STK31: variants seen among roughly 807,000 people sequenced by gnomAD.
STK31 encodes serine/threonine-protein kinase 31.
In STK31, 89 loss-of-function variants were observed where a neutral mutation model predicts 129.7. That is an observed-to-expected ratio of 0.69 (90% CI 0.58 to 0.82). The LOEUF is 0.82. STK31 is among the 40% of genes least tolerant of loss of function. The probability of loss-of-function intolerance (pLI) is 0.00; values close to 1 mark genes in which losing one functional copy is unlikely to be tolerated. For missense variants in STK31, 1,187 were observed against 1,176.4 expected, an observed-to-expected ratio of 1.01 and a Z score of -0.13; for synonymous variants, 448 against 395.3, an observed-to-expected ratio of 1.13 and a Z score of -1.58.
intron 4 of STK31, chr7:23,721,862 C>G: frequency 2.1e-6 from 1 of 468,090 alleles, no homozygotes; most frequent in Non-Finnish European, 4.0e-6. Flanking sequence ...TCCACTTGAT[C>G]AAATCAGCTA....
intron 8 of STK31, among the ~76,000 whole-genome samples, chr7:23,749,384 C>T (rs1311737362): frequency 7.4e-6 from 1 of 134,888 alleles, no homozygotes; most frequent in East Asian, 2.2e-4. Context: ...GCCCTGTTGT[C>T]TAGTCTGGAA....
Position 23,762,858 on chromosome 7 carries a change from T to C in STK31, c.1351T>C (p.Ser451Pro). ...TGAAATGCAGCAGAAGCTGTACATG[T>C]CAGTAGAAGATTTTATTCTGGAAGT... ...RNEMQQKLYM[S>P]VEDFILEVDE... The change falls in exon 11 of 24, where the codon TCA becomes CCA. Residue 451 changes from serine (S) to proline (P), a missense_variant. By Grantham distance (74) the Ser-to-Pro change is moderately conservative. Around this residue, in one of 5 missense-constraint regions of STK31, gnomAD observed 975 missense variants for 934.9 expected, o/e 1.04. Coordinates refer to ENST00000355870, the MANE Select transcript of STK31 (RefSeq NM_031414.5). 1 of 1,609,430 alleles carries C rather than the reference T, an allele frequency of 6.2e-7. No homozygotes were observed. Among genetic ancestry groups the C allele is most frequent in the Admixed American group, 1.7e-5 (1 of 59,272 alleles).
intron 8 of STK31, among the ~76,000 whole-genome samples, chr7:23,750,233 A>G (rs959222588): frequency 6.6e-6 from 1 of 152,128 alleles, no homozygotes; most frequent in Admixed American, 6.5e-5. Context: ...AGTCGTGCCC[A>G]CACCTAGTTT....
intron 22 of STK31, among the ~76,000 whole-genome samples, chr7:23,796,031 G>A (rs1242473970): frequency 6.6e-6 from 1 of 152,190 alleles, no homozygotes; most frequent in Non-Finnish European, 1.5e-5. Context: ...TGTTGAGAAG[G>A]CATGATTGTT....
intron 4 of STK31, chr7:23,726,428 A>AC (rs1385777133): frequency 8.8e-5 from 5 of 56,662 alleles, no homozygotes; most frequent in African/African-American, 2.7e-4. Flanking sequence ...CCTTGCCTCT[A>AC]CAAAAAAAAA....
At chr7:23,815,045 CTT>C in intron 22 of STK31, 97 bp from the exon 23 acceptor site, 1 of 809,754 alleles carries the variant, frequency 1.2e-6, no homozygotes, top group Admixed American at 3.4e-5. Context: ...TAAGTAAGCT[CTT>C]TTCTAGTCAC....
At chr7:23,800,705 G>C (rs960312524) in intron 22 of STK31, among the ~76,000 whole-genome samples, 5 of 151,814 alleles carry the variant, frequency 3.3e-5, no homozygotes, top group African/African-American at 1.2e-4. Context: ...TATGTAGCAA[G>C]CCTGCACGTT....
chr7:23,813,200 C>G (rs1411110928), intron 22 of STK31, among the ~76,000 whole-genome samples: 2 of 151,470 alleles, frequency 1.3e-5, no homozygotes, highest in Non-Finnish European at 2.9e-5. Context: ...TTATCCCATC[C>G]AGTTTTAAGA....
chr7:23,774,074 T>C (rs1283108709), intron 15 of STK31, among the ~76,000 whole-genome samples: 1 of 152,180 alleles, frequency 6.6e-6, no homozygotes, highest in African/African-American at 2.4e-5. Context: ...GAATGATGGC[T>C]TCCAGTTGCA....
chr7:23,761,808 AT>A (rs1789482364), intron 10 of STK31, among the ~76,000 whole-genome samples: 1 of 150,276 alleles, frequency 6.7e-6, no homozygotes. Flanking sequence ...GCAAGAAAAA[AT>A]ATCCTAAAAT....
chr7:23,734,959 T>C (rs943030832), intron 6 of STK31, among the ~76,000 whole-genome samples: 8 of 152,188 alleles, frequency 5.3e-5, no homozygotes, highest in African/African-American at 1.9e-4. Context: ...AGTGAGATTC[T>C]GTCTCAAAAA....
intron 8 of STK31, among the ~76,000 whole-genome samples, chr7:23,746,440 A>C (rs536643690): frequency 5.1e-4 from 77 of 152,176 alleles, no homozygotes; most frequent in Non-Finnish European, 1.0e-3. Context: ...TCTCTGTTGA[A>C]GTCCCATTTC....
At chr7:23,715,705 A>G (rs1786275049) in intron 3 of STK31, among the ~76,000 whole-genome samples, 1 of 152,186 alleles carries the variant, frequency 6.6e-6, no homozygotes, top group Non-Finnish European at 1.5e-5. Flanking sequence ...TCTCAGGGTC[A>G]GTTTAAATTC....
In STK31 at chr7:23,771,094, A is replaced by C. The variant is rs200935774; in HGVS notation, c.1803A>C (p.Thr601=). 17 of 1,612,608 alleles carry C rather than the reference A, an allele frequency of 1.1e-5. No homozygotes were observed. In the East Asian group the frequency reaches 3.8e-4, roughly 36 times the overall value. ...ATTCAGAGGAAAGGCTCATTGCCAC[A>C]GTACAAGCTAAGTACAAGGACAGTA... ...KIHSEERLIA[T]VQAKYKDSIE... The change falls in exon 14 of 24, where the codon ACA becomes ACC. Residue 601 remains threonine, a synonymous_variant. Transcript: ENST00000355870.
At chr7:23,767,278 T>C (rs1789890021) in intron 11 of STK31, among the ~76,000 whole-genome samples, 1 of 152,202 alleles carries the variant, frequency 6.6e-6, no homozygotes, top group South Asian at 2.1e-4. Flanking sequence ...TTATCTCTCC[T>C]CAAGATCTCA....
chr7:23,728,403 TAA>T, intron 5 of STK31, among the ~76,000 whole-genome samples: 1 of 152,314 alleles, frequency 6.6e-6, no homozygotes, highest in East Asian at 1.9e-4. Flanking sequence ...TAGCTTGGTT[TAA>T]AAAAATTTCA....
rs200008918 is a variant in STK31, at chr7:23,735,689, G to A, written c.635G>A (p.Cys212Tyr). 1 of 1,614,076 alleles carries A rather than the reference G, an allele frequency of 6.2e-7. No homozygotes were observed. The highest frequency in any genetic ancestry group is 2.2e-5 in the East Asian group (1 of 44,878). The change falls in exon 7 of 24, where the codon TGC becomes TAC. Residue 212 changes from cysteine (C) to tyrosine (Y), a missense_variant. Cys to Tyr is a radical substitution (Grantham distance 194). Coordinates refer to ENST00000355870, the MANE Select transcript of STK31 (RefSeq NM_031414.5). ...EVLKKGFAEK[C>Y]RLASRTDICE... ...CTTAAGAAAGGATTTGCAGAGAAATGCAGACTTGCTTCCAGAACTGACATC... is the reference window on the plus strand; with the variant it reads ...CTTAAGAAAGGATTTGCAGAGAAATACAGACTTGCTTCCAGAACTGACATC...
intron 4 of STK31, among the ~76,000 whole-genome samples, chr7:23,723,523 T>C (rs901726277): frequency 9.2e-5 from 14 of 152,216 alleles, no homozygotes; most frequent in African/African-American, 3.1e-4. Flanking sequence ...AATATAAAAT[T>C]AATTACCTTA....
intron 23 of STK31, among the ~76,000 whole-genome samples, chr7:23,816,195 A>G (rs776941748): frequency 8.5e-5 from 13 of 152,302 alleles, no homozygotes; most frequent in East Asian, 7.7e-4. Context: ...CTTCCTGATT[A>G]TCTCTGTGGA....
Sources: gnomAD v4.1 joint callset for allele counts (sites outside exome capture counted in the v4.1 genomes callset) on GRCh38, gnomAD v4.1.1 for gene constraint, gnomAD v4.1.1 regional missense constraint, MANE v1.5 for transcripts, NCBI Gene and HGNC (gene_info 2026-07-23, HGNC 2026-07-21) for gene names.